Variants in UBXN2A observed in about 807,000 individuals in gnomAD.
UBXN2A encodes the protein UBX domain-containing protein 2A.
UBXN2A carries 28 observed loss-of-function variants against 28.4 expected under a neutral mutation model. The observed-to-expected ratio is 0.99, with a 90% CI of 0.73 to 1.35. The LOEUF (loss-of-function observed/expected upper bound fraction) is 1.35, where lower values mean the gene tolerates loss of function less well. Among genes scored for constraint, UBXN2A ranks in the 40% most tolerant of loss-of-function variants. The pLI is 0.00. For synonymous variants in UBXN2A, 97 were observed against 103.6 expected, an observed-to-expected ratio of 0.94 and a Z score of 0.39; for missense variants, 253 against 297.9, an observed-to-expected ratio of 0.85 and a Z score of 1.11.
rs867640730 is a variant in UBXN2A, at chr2:23,974,182, T to C, written c.180+2768T>C. Among the ~76,000 whole-genome samples the C allele has an allele frequency of 8.2e-5, 12 of 146,110 alleles. No individual in the cohort carries two copies. In the Middle Eastern group the frequency reaches 0.011, roughly 130 times the overall value. On this transcript the variant is annotated intron_variant, in intron 3 of 6. Transcript: ENST00000309033. The stretch of plus-strand genomic sequence containing the variant: ...GGTGACCACCACCACACCTGGCTAA[T>C]TTTTTTTTGTATTTTTAGTGGAGAC...
intron 3 of UBXN2A, among the ~76,000 whole-genome samples, chr2:23,974,053 C>T (rs1470376773): frequency 3.5e-5 from 5 of 141,932 alleles, no homozygotes; most frequent in East Asian, 2.1e-4. Context: ...CTCGCTCTGT[C>T]GCCCAGGCTG....
chr2:23,938,903 AG>A (rs1705619517), upstream of UBXN2A, among the ~76,000 whole-genome samples: 1 of 152,136 alleles, frequency 6.6e-6, no homozygotes, highest in South Asian at 2.1e-4. Context: ...GTCAAAGAAA[AG>A]TCTCTTTGCC....
At chr2:23,959,461 C>T (rs190322506) in intron 2 of UBXN2A, among the ~76,000 whole-genome samples, 3 of 152,130 alleles carry the variant, frequency 2.0e-5, no homozygotes, top group African/African-American at 7.2e-5. Context: ...CACTGCACTC[C>T]AGCCTGGGTG....
chr2:23,969,336 C>T (rs564066809), intron 2 of UBXN2A, among the ~76,000 whole-genome samples: 16 of 151,994 alleles, frequency 1.1e-4, no homozygotes, highest in East Asian at 1.9e-4. Context: ...CAGGAGTTTG[C>T]GATAAGCCTG....
intron 1 of UBXN2A, among the ~76,000 whole-genome samples, chr2:23,951,537 C>T (rs1412224832): frequency 6.7e-6 from 1 of 149,152 alleles, no homozygotes; most frequent in Non-Finnish European, 1.5e-5. Context: ...CTTGGCTCAC[C>T]AGAACCTCTG....
At chr2:23,959,251 G>A (rs1198048770) in intron 2 of UBXN2A, among the ~76,000 whole-genome samples, 1 of 152,144 alleles carries the variant, frequency 6.6e-6, no homozygotes, top group African/African-American at 2.4e-5. Context: ...CAGCACTTTG[G>A]GAGGCCGAGG....
chr2:23,943,654 A>G (rs990566913), intron 1 of UBXN2A, among the ~76,000 whole-genome samples: 1 of 151,706 alleles, frequency 6.6e-6, no homozygotes, highest in South Asian at 2.1e-4. Context: ...CACCCAGCTA[A>G]TTTTGTATTT....
chr2:23,928,440 C>G (rs201382121), intron 1 of UBXN2A, among the ~76,000 whole-genome samples: 3 of 151,594 alleles, frequency 2.0e-5, no homozygotes, highest in Non-Finnish European at 4.4e-5. Flanking sequence ...AGCCAGGTGT[C>G]GTGGTGCATG....
intron 1 of UBXN2A, among the ~76,000 whole-genome samples, chr2:23,955,933 C>T (rs1359461546): frequency 3.3e-5 from 5 of 152,218 alleles, no homozygotes; most frequent in African/African-American, 9.6e-5. Flanking sequence ...GACGCAGTCT[C>T]GGCTTACTTC....
chr2:23,991,744 T>G (rs2150912478), intron 6 of UBXN2A, among the ~76,000 whole-genome samples: 1 of 152,204 alleles, frequency 6.6e-6, no homozygotes, highest in African/African-American at 2.4e-5. Context: ...AGTGCTGGGA[T>G]TACAGGCGTG....
chr2:23,943,462 G>A (rs1705869685), intron 1 of UBXN2A, among the ~76,000 whole-genome samples: 1 of 152,036 alleles, frequency 6.6e-6, no homozygotes, highest in Non-Finnish European at 1.5e-5. Context: ...ATCATGGAAG[G>A]TTTTCTAAAG....
intron 2 of UBXN2A, among the ~76,000 whole-genome samples, chr2:23,961,223 G>A (rs938219258): frequency 1.3e-5 from 2 of 151,466 alleles, no homozygotes; most frequent in Non-Finnish European, 2.9e-5. Flanking sequence ...AGCCTCCCAA[G>A]TAGCTGGGAC....
rs139749280 is a variant in UBXN2A, at chr2:23,998,005, T to C, written c.585-1667T>C. ...TTTTGTATTTTTAGTAAAGACAGAGTTTCACTATGTTGGCCAGACTAGTCT... is the reference window on the plus strand; with the variant it reads ...TTTTGTATTTTTAGTAAAGACAGAGCTTCACTATGTTGGCCAGACTAGTCT... On this transcript the variant is annotated intron_variant, in intron 6 of 6. Coordinates refer to ENST00000309033, the MANE Select transcript of UBXN2A (RefSeq NM_181713.4). Among the ~76,000 whole-genome samples, 785 of 151,564 alleles carry C rather than the reference T, an allele frequency of 5.2e-3. 6 individuals carry two copies. Among genetic ancestry groups the C allele is most frequent in the Non-Finnish European group, 5.7e-3 (388 of 67,874 alleles).
chr2:23,952,635 G>A (rs1001408196), intron 1 of UBXN2A, among the ~76,000 whole-genome samples: 7 of 150,220 alleles, frequency 4.7e-5, no homozygotes, highest in Non-Finnish European at 7.4e-5. Flanking sequence ...TAGTAGAGAC[G>A]GGTTTCACCA....
At chr2:23,929,133 A>AAG (rs1046808530) in intron 1 of UBXN2A, among the ~76,000 whole-genome samples, 2 of 151,904 alleles carry the variant, frequency 1.3e-5, no homozygotes, top group African/African-American at 4.8e-5. Flanking sequence ...GCCAAAAAGA[A>AAG]AGAGAGAGAG....
chr2:23,981,476 T>TAAAAAA lies in UBXN2A; in HGVS notation c.288-1394_288-1389dup, dbSNP rs55665209. 1.1e-3 allele frequency among the ~76,000 whole-genome samples: 31 copies of TAAAAAA among 28,912 alleles called. 2 individuals are homozygous for TAAAAAA. The highest frequency in any genetic ancestry group is 0.011 in the South Asian group (4 of 378). The allele number at this position is 28,912 out of a possible 152,430, so 19.0% of individuals were successfully genotyped here. A position where few individuals can be genotyped will look rare whatever the true frequency, so the allele number is the denominator to read the frequency against. On this transcript the variant is annotated intron_variant, in intron 4 of 6. Coordinates refer to ENST00000309033, the MANE Select transcript of UBXN2A (RefSeq NM_181713.4). ...CTGGGCAACAGAGTGAGCTCCTATC[T>TAAAAAA]AAAAAAAAAAAAAAAAAAAAAAAAA...
In UBXN2A at chr2:24,000,157, TG is replaced by T. The variant is rs2150928368; in HGVS notation, c.*292del. On this transcript the variant is annotated 3_prime_UTR_variant, in exon 7 of 7. Transcript: ENST00000309033. ...AGCTGTATTGTTTAGAATCTTAATA[TG>T]GTATAAATTAGCATATGTATTCACA... 3.2e-6 allele frequency: 1 copy of T among 308,662 alleles called. No individual in the cohort carries two copies. The highest frequency in any genetic ancestry group is 5.9e-6 in the Non-Finnish European group (1 of 168,236). The allele number at this position is 308,662 out of a possible 1,614,324, so 19.1% of individuals were successfully genotyped here. A position where few individuals can be genotyped will look rare whatever the true frequency, so the allele number is the denominator to read the frequency against.
At chr2:23,972,541 T>C (rs1422175617) in intron 3 of UBXN2A, among the ~76,000 whole-genome samples, 2 of 152,154 alleles carry the variant, frequency 1.3e-5, no homozygotes, top group Non-Finnish European at 2.9e-5. Flanking sequence ...TTTTGTTTCT[T>C]GACCGGGCGC....
intron 6 of UBXN2A, among the ~76,000 whole-genome samples, chr2:23,998,564 A>G (rs1043415904): frequency 6.6e-6 from 1 of 152,088 alleles, no homozygotes; most frequent in Non-Finnish European, 1.5e-5. Context: ...ACTAAGAAAT[A>G]CAAAAACTAG....
Sources: allele counts gnomAD v4.1 joint callset (sites outside exome capture counted in the v4.1 genomes callset), GRCh38; gene constraint gnomAD v4.1.1; transcripts MANE v1.5; gene names NCBI Gene and HGNC (gene_info 2026-07-23, HGNC 2026-07-21).